The following TDRD7 variants were observed in gnomAD, a reference collection of about 807,000 sequenced individuals.
TDRD7 encodes the protein tudor domain-containing protein 7.
A neutral mutation model predicts 109.8 loss-of-function variants in TDRD7; 47 were observed. That is an observed-to-expected ratio of 0.43 (90% CI 0.34 to 0.55). TDRD7 has a LOEUF of 0.55. Ranked by LOEUF, TDRD7 falls within the 20% of genes least tolerant of loss-of-function variation. The pLI, the probability that TDRD7 is intolerant of heterozygous loss-of-function variation, is 0.03. For synonymous variants in TDRD7, 424 were observed against 457.3 expected (o/e 0.93, Z 0.93); for missense variants, 1,164 against 1,319.2 (o/e 0.88, Z 1.82).
chr9:97,415,921 G>A (rs745868969), intron 1 of TDRD7, among the ~76,000 whole-genome samples: 15 of 152,186 alleles, frequency 9.9e-5, no homozygotes, highest in African/African-American at 1.4e-4. Flanking sequence ...CATGAGCCAC[G>A]TAACAAAACT....
chr9:97,470,407 G>A (rs1016220344), intron 8 of TDRD7, 151 bp from the exon 9 acceptor site: 1 of 681,146 alleles, frequency 1.5e-6, no homozygotes, highest in African/African-American at 1.8e-5. Context: ...CTCTTCTGTG[G>A]TAAGTCAGGG....
At chr9:97,454,653 A>G (rs1587875230) in intron 6 of TDRD7, among the ~76,000 whole-genome samples, 1 of 152,214 alleles carries the variant, frequency 6.6e-6, no homozygotes, top group Admixed American at 6.5e-5. Context: ...ACAAACAGAC[A>G]ATGTACCAGA....
At chr9:97,418,033 G>A (rs1266023593) in intron 1 of TDRD7, among the ~76,000 whole-genome samples, 1 of 152,202 alleles carries the variant, frequency 6.6e-6, no homozygotes. Flanking sequence ...GCTGAGGCAG[G>A]AGAATTGCTT....
chr9:97,425,582 A>G lies in TDRD7; in HGVS notation c.-6-2878A>G, dbSNP rs573899046. Among the ~76,000 whole-genome samples the G allele has an allele frequency of 3.2e-4, 48 of 152,276 alleles. 1 individual carries two copies. Among genetic ancestry groups the G allele is most frequent in the African/African-American group, 1.1e-3 (46 of 41,544 alleles). On this transcript the variant is annotated intron_variant, in intron 1 of 16. Transcript: ENST00000355295. ...CCTAACGACACATTTCTCAGAATGT[A>G]TCCCCATTGTTAAGTGACGCATGAC...
intron 1 of TDRD7, among the ~76,000 whole-genome samples, chr9:97,421,675 G>GCAC (rs1827901541): frequency 6.6e-6 from 1 of 151,160 alleles, no homozygotes; most frequent in Non-Finnish European, 1.5e-5. Flanking sequence ...GGGACTACAG[G>GCAC]CACGTGCGAC....
chr9:97,418,412 G>A (rs1827845174), intron 1 of TDRD7, among the ~76,000 whole-genome samples: 1 of 152,116 alleles, frequency 6.6e-6, no homozygotes, highest in African/African-American at 2.4e-5. Flanking sequence ...TAAAGGAGAA[G>A]ACACATTTAA....
rs1439435900 is a variant in TDRD7, at chr9:97,484,998, G to C, written c.2915+1647G>C. Among the ~76,000 whole-genome samples the C allele has an allele frequency of 3.3e-5, 5 of 152,110 alleles. No homozygotes were observed. The East Asian group carries it at 9.6e-4, about 29-fold the overall frequency. On this transcript the variant is annotated intron_variant, in intron 15 of 16. Transcript: ENST00000355295. ...AGGACTCTTGGACTTTAGTTAATTT[G>C]TCCCAGATAATCAAGGGATGTTTTG...
At chr9:97,449,145 C>G (rs1372770464) in intron 6 of TDRD7, among the ~76,000 whole-genome samples, 2 of 152,140 alleles carry the variant, frequency 1.3e-5, no homozygotes, top group Admixed American at 6.5e-5. Flanking sequence ...GTTTTTGGGC[C>G]TGTTTTGGAA....
At chr9:97,426,970 A>G (rs1160988272) in intron 1 of TDRD7, among the ~76,000 whole-genome samples, 1 of 152,246 alleles carries the variant, frequency 6.6e-6, no homozygotes, top group Non-Finnish European at 1.5e-5. Flanking sequence ...CAGTGGCCAC[A>G]TTTAATTTAA....
chr9:97,488,008 A>G (rs976335908), intron 16 of TDRD7, among the ~76,000 whole-genome samples: 3 of 152,206 alleles, frequency 2.0e-5, no homozygotes, highest in Non-Finnish European at 4.4e-5. Flanking sequence ...CCACATTCAC[A>G]TCAGCCTCTT....
intron 6 of TDRD7, among the ~76,000 whole-genome samples, chr9:97,443,040 C>T (rs934162768): frequency 3.9e-5 from 6 of 152,120 alleles, no homozygotes; most frequent in Non-Finnish European, 8.8e-5. Flanking sequence ...TCAGGTGATC[C>T]GCCCACCTCG....
chr9:97,483,177 T>C lies in TDRD7; in HGVS notation c.2741T>C (p.Met914Thr). ...CACTTATCAAAGCCAGGGGAACACA[T>C]GGATGTGTATGTGCCTGTGGCCTGT... ...PVHLSKPGEH[M>T]DVYVPVACHP... The change falls in exon 15 of 17, where the codon ATG becomes ACG. Residue 914 changes from methionine to threonine, a missense_variant. Transcript: ENST00000355295. 6.2e-7 allele frequency: 1 copy of C among 1,614,170 alleles called. No homozygotes were observed. Among genetic ancestry groups the C allele is most frequent in the Non-Finnish European group, 8.5e-7 (1 of 1,180,012 alleles).
chr9:97,495,610 G>A, intron 16 of TDRD7, 53 bp from the exon 17 acceptor site: 1 of 1,538,074 alleles, frequency 6.5e-7, no homozygotes, highest in South Asian at 1.1e-5. Flanking sequence ...ATGGATCAAA[G>A]AAAAGCTCCT....
At chr9:97,468,520 C>T (rs1399836786) in intron 8 of TDRD7, among the ~76,000 whole-genome samples, 1 of 152,218 alleles carries the variant, frequency 6.6e-6, no homozygotes, top group Non-Finnish European at 1.5e-5. Flanking sequence ...TCCCCACATC[C>T]CCTTGAAGCT....
At chr9:97,466,074 G>T (rs1828817722) in intron 8 of TDRD7, among the ~76,000 whole-genome samples, 1 of 152,166 alleles carries the variant, frequency 6.6e-6, no homozygotes, top group Admixed American at 6.5e-5. Flanking sequence ...TGCAGCCTCT[G>T]TTCCATAATA....
chr9:97,412,882 C>T lies in TDRD7; in HGVS notation c.-7+644C>T, dbSNP rs1468827080. 1.3e-5 allele frequency among the ~76,000 whole-genome samples: 2 copies of T among 152,212 alleles called. No individual in the cohort carries two copies. The highest frequency in any genetic ancestry group is 2.9e-5 in the Non-Finnish European group (2 of 68,034). On this transcript the variant is annotated intron_variant, in intron 1 of 16. Transcript: ENST00000355295. This position sits in a 1 kb window ranked among gnomAD's most constrained non-coding sequence, Gnocchi z 4.3. ...TCAACTTTCAGTAGCATCCCCTCAG[C>T]AGGGTCAGACTCTCAGCTTCAGCTT... is the stretch of plus-strand genomic sequence containing the variant.
At chr9:97,459,218 A>G (rs576472371) in intron 6 of TDRD7, among the ~76,000 whole-genome samples, 1 of 152,348 alleles carries the variant, frequency 6.6e-6, no homozygotes, top group South Asian at 2.1e-4. Flanking sequence ...CAGTTATTCA[A>G]CTGTGTCACT....
intron 1 of TDRD7, among the ~76,000 whole-genome samples, chr9:97,419,113 C>G (rs1827857426): frequency 6.6e-6 from 1 of 152,170 alleles, no homozygotes; most frequent in South Asian, 2.1e-4. Flanking sequence ...AACCACCTGA[C>G]ATTATATCTA....
At chr9:97,480,405 GA>G (rs896486307) in intron 13 of TDRD7, 11 of 220,084 alleles carry the variant, frequency 5.0e-5, no homozygotes, top group Non-Finnish European at 7.4e-5. Context: ...ACAGGAGTCA[GA>G]TTTCCTCCAA....
Sources: gnomAD v4.1 joint callset for allele counts (sites outside exome capture counted in the v4.1 genomes callset) on GRCh38, gnomAD v4.1.1 for gene constraint, Gnocchi (gnomAD v3.1) non-coding constraint, MANE v1.5 for transcripts, NCBI Gene and HGNC (gene_info 2026-07-23, HGNC 2026-07-21) for gene names.